The following BANP variants were observed in gnomAD, a reference collection of about 807,000 sequenced individuals.
BANP encodes the protein BTG3 associated nuclear protein, also known as protein BANP.
A neutral mutation model predicts 68.1 loss-of-function variants in BANP; 11 were observed. That is an observed-to-expected ratio of 0.16 (90% CI 0.10 to 0.27). BANP has a LOEUF of 0.27. Ranked by LOEUF, BANP falls within the 10% of genes least tolerant of loss-of-function variation. The pLI is 1.00. For synonymous variants in BANP, 329 were observed against 303.2 expected (o/e 1.09, Z -0.88); for missense variants, 504 against 722.7 (o/e 0.70, Z 3.47).
Position 88,071,322 on chromosome 16 carries a change from C to T in BANP, c.1378-747C>T, listed in dbSNP as rs1295426476. The T allele has an allele frequency of 2.1e-5, 8 of 372,838 alleles. No individual in the cohort carries two copies. The highest frequency in any genetic ancestry group is 3.9e-4 in the Middle Eastern group (1 of 2,560). 23.1% of individuals were successfully genotyped at this position (372,838 alleles called of 1,614,324 possible). A position where few individuals can be genotyped will look rare whatever the true frequency, so the allele number is the denominator to read the frequency against. Reference sequence around the variant, plus strand: ...CCGCCTGCCTGGGCCGTCTTGACACCGGAGCTGCCTGCCTGGATGTTGGAG... The same window carrying T: ...CCGCCTGCCTGGGCCGTCTTGACACTGGAGCTGCCTGCCTGGATGTTGGAG... On this transcript the variant is annotated intron_variant, in intron 12 of 13. Coordinates refer to ENST00000682872, the MANE Select transcript of BANP (RefSeq NM_001386991.1). This position sits in a 1 kb window ranked among gnomAD's most constrained non-coding sequence, Gnocchi z 6.5.
chr16:87,977,163 C>T (rs1169053350), intron 2 of BANP, among the ~76,000 whole-genome samples: 2 of 152,166 alleles, frequency 1.3e-5, no homozygotes, highest in Non-Finnish European at 2.9e-5. Flanking sequence ...GCCTGTAATC[C>T]CAGCACCTTG....
At position 88,057,486 on chromosome 16, in the gene BANP, A is replaced by G. The variant is rs1465747668; in HGVS notation, c.1312-7781A>G. Reference sequence around the variant, plus strand: ...CTCTTGCGGTCCCCTCCACGTGTTCACCTCGTCAGAGTCAAGAAACGAGGA... The same window carrying G: ...CTCTTGCGGTCCCCTCCACGTGTTCGCCTCGTCAGAGTCAAGAAACGAGGA... On this transcript the variant is annotated intron_variant, in intron 11 of 13. Transcript: ENST00000682872. The surrounding 1 kb of genome is among the most constrained non-coding windows in gnomAD (Gnocchi z 4.6). Among the ~76,000 whole-genome samples, 1 of 151,768 alleles carries G rather than the reference A, an allele frequency of 6.6e-6. No homozygotes were observed. Among genetic ancestry groups the G allele is most frequent in the Non-Finnish European group, 1.5e-5 (1 of 67,928 alleles).
At chr16:87,985,706 C>G (rs1201255629) in intron 4 of BANP, among the ~76,000 whole-genome samples, 1 of 152,180 alleles carries the variant, frequency 6.6e-6, no homozygotes, top group Non-Finnish European at 1.5e-5. Flanking sequence ...AGCCGGACGT[C>G]CCACCTGGTA....
chr16:87,989,369 G>A (rs2065280048), intron 4 of BANP, among the ~76,000 whole-genome samples: 1 of 152,228 alleles, frequency 6.6e-6, no homozygotes, highest in Admixed American at 6.5e-5. Context: ...ATGCTAGTGT[G>A]GACAGTTCGG....
At chr16:87,961,897 A>G (rs1328875908) in intron 1 of BANP, among the ~76,000 whole-genome samples, 1 of 152,126 alleles carries the variant, frequency 6.6e-6, no homozygotes, top group African/African-American at 2.4e-5. Flanking sequence ...GGCACTCCTC[A>G]GATGGGACCC....
chr16:88,071,361 G>A lies in BANP; in HGVS notation c.1378-708G>A, dbSNP rs2090271139. 2.5e-6 allele frequency: 1 copy of A among 400,166 alleles called. No homozygotes were observed. The highest frequency in any genetic ancestry group is 5.0e-6 in the Non-Finnish European group (1 of 199,562). 24.8% of individuals were successfully genotyped at this position (400,166 alleles called of 1,614,324 possible). A position where few individuals can be genotyped will look rare whatever the true frequency, so the allele number is the denominator to read the frequency against. ...TGGATGTTGGAGCGCCCAGTGGATT[G>A]AGTGGGAAGTGGGCCTGGGTGCTTA... On this transcript the variant is annotated intron_variant, in intron 12 of 13. Coordinates refer to ENST00000682872, the MANE Select transcript of BANP (RefSeq NM_001386991.1). The surrounding 1 kb of genome is among the most constrained non-coding windows in gnomAD (Gnocchi z 6.5).
intron 1 of BANP, among the ~76,000 whole-genome samples, chr16:87,968,891 A>G (rs2060611320): frequency 6.6e-6 from 1 of 152,184 alleles, no homozygotes; most frequent in East Asian, 1.9e-4. Context: ...CTTTTTGAAA[A>G]AGTGATAAAT....
intron 1 of BANP, among the ~76,000 whole-genome samples, chr16:87,971,696 T>TG: frequency 6.6e-6 from 1 of 152,080 alleles, no homozygotes; most frequent in Non-Finnish European, 1.5e-5. Context: ...CCCCCTAGGT[T>TG]GTAGTGTATT....
chr16:88,023,045 T>C (rs1439994846), intron 7 of BANP, among the ~76,000 whole-genome samples: 1 of 152,180 alleles, frequency 6.6e-6, no homozygotes, highest in Non-Finnish European at 1.5e-5. Flanking sequence ...CCAGGTTCTC[T>C]GTGAGGTGAA....
At chr16:88,022,166 G>T (rs1035263367) in intron 7 of BANP, among the ~76,000 whole-genome samples, 10 of 152,224 alleles carry the variant, frequency 6.6e-5, no homozygotes, top group Non-Finnish European at 1.0e-4. Flanking sequence ...TGTGCTCTCA[G>T]GACAGCAGCA....
Position 88,071,639 on chromosome 16 carries a change from C to G in BANP, c.1378-430C>G, listed in dbSNP as rs760858803. 1.3e-5 allele frequency: 6 copies of G among 463,988 alleles called. No homozygotes were observed. The highest frequency in any genetic ancestry group is 2.2e-5 in the Non-Finnish European group (5 of 232,098). The allele number at this position is 463,988 out of a possible 1,614,324, so 28.7% of individuals were successfully genotyped here. ...CCTTGGGAATGGGGAGGGTTTGGGT[C>G]TCAGCCTCACGCTCACGGTCCTGGC... On this transcript the variant is annotated intron_variant, in intron 12 of 13. Transcript: ENST00000682872. This position sits in a 1 kb window ranked among gnomAD's most constrained non-coding sequence, Gnocchi z 6.5.
At chr16:87,986,099 C>G (rs1472828376) in intron 4 of BANP, among the ~76,000 whole-genome samples, 2 of 152,172 alleles carry the variant, frequency 1.3e-5, no homozygotes, top group Non-Finnish European at 2.9e-5. Flanking sequence ...CTGCCAAATT[C>G]CAGTACTCTC....
At chr16:87,980,364 C>T (rs541959390) in intron 2 of BANP, among the ~76,000 whole-genome samples, 4 of 152,240 alleles carry the variant, frequency 2.6e-5, no homozygotes, top group Middle Eastern at 3.4e-3. Flanking sequence ...TTATCTTTGA[C>T]GTTGTTTTTG....
At chr16:88,045,809 C>T (rs1282419118) in intron 11 of BANP, among the ~76,000 whole-genome samples, 3 of 151,574 alleles carry the variant, frequency 2.0e-5, no homozygotes, top group South Asian at 2.1e-4. Context: ...GGAGAGTTGC[C>T]ATGTGTCCCA....
At chr16:88,062,974 C>T (rs1448741108) in intron 11 of BANP, among the ~76,000 whole-genome samples, 3 of 152,200 alleles carry the variant, frequency 2.0e-5, no homozygotes, top group Non-Finnish European at 4.4e-5. Flanking sequence ...CTCATTTTTG[C>T]TGCTTCACGT....
chr16:88,023,648 T>C (rs2076427223), intron 7 of BANP, among the ~76,000 whole-genome samples: 2 of 152,214 alleles, frequency 1.3e-5, no homozygotes, highest in Admixed American at 1.3e-4. Context: ...TGACAAGCCC[T>C]CCTGGCTCTC....
At chr16:88,072,724 G>A (rs368617957) in intron 13 of BANP, among the ~76,000 whole-genome samples, 10 of 152,258 alleles carry the variant, frequency 6.6e-5, no homozygotes, top group East Asian at 5.8e-4. Flanking sequence ...CCGAGGGTGA[G>A]GCCGTGCCGA....
In BANP at chr16:88,018,383, T is replaced by C; in HGVS notation, c.656-45T>C. The C allele has an allele frequency of 6.3e-7, 1 of 1,583,118 alleles. No individual in the cohort carries two copies. The highest frequency in any genetic ancestry group is 8.6e-7 in the Non-Finnish European group (1 of 1,163,050). ...GCGCTCTGCTGTCCTGAATGTGAGC[T>C]TATTTGAGCCTTGGCCATCTGAGGA... is the stretch of plus-strand genomic sequence containing the variant. On this transcript the variant is annotated intron_variant, in intron 6 of 13. Coordinates refer to ENST00000682872, the MANE Select transcript of BANP (RefSeq NM_001386991.1). The surrounding 1 kb of genome is among the most constrained non-coding windows in gnomAD (Gnocchi z 7.7).
At chr16:87,979,087 G>T (rs112111318) in intron 2 of BANP, among the ~76,000 whole-genome samples, 4 of 152,312 alleles carry the variant, frequency 2.6e-5, no homozygotes, top group African/African-American at 9.6e-5. Flanking sequence ...GTTCCTGTTA[G>T]AACTGCAGGA....
Sources: gnomAD v4.1 joint callset for allele counts (sites outside exome capture counted in the v4.1 genomes callset) on GRCh38, gnomAD v4.1.1 for gene constraint, Gnocchi (gnomAD v3.1) non-coding constraint, MANE v1.5 for transcripts, NCBI Gene and HGNC (gene_info 2026-07-23, HGNC 2026-07-21) for gene names.